C12orf42: variants seen among roughly 807,000 people sequenced by gnomAD.
C12orf42 encodes uncharacterized protein C12orf42.
In C12orf42, 25 loss-of-function variants were observed where a neutral mutation model predicts 21.6. The ratio of observed to expected loss-of-function variants is 1.16; its 90% CI spans 0.84 to 1.62. The LOEUF is 1.62. C12orf42 is among the 40% of genes most tolerant of loss of function. The probability of loss-of-function intolerance (pLI) is 0.00; values close to 1 mark genes in which losing one functional copy is unlikely to be tolerated. For missense variants in C12orf42, 483 were observed against 459.3 expected (o/e 1.05, Z -0.47); for synonymous variants, 174 against 175.0 (o/e 0.99, Z 0.05).
intron 2 of C12orf42, among the ~76,000 whole-genome samples, chr12:103,433,508 A>T (rs1312522958): frequency 1.3e-5 from 2 of 152,214 alleles, no homozygotes; most frequent in Non-Finnish European, 2.9e-5. Context: ...ACAATTTCCT[A>T]ACAATTGTAC....
chr12:103,235,714 T>C (rs1593184512), downstream of C12orf42, among the ~76,000 whole-genome samples: 3 of 152,284 alleles, frequency 2.0e-5, no homozygotes, highest in South Asian at 4.2e-4. Flanking sequence ...AGTTCATATA[T>C]GCAAAGTTTC....
chr12:103,236,083 TTA>T (rs1250065710), downstream of C12orf42, among the ~76,000 whole-genome samples: 3 of 151,864 alleles, frequency 2.0e-5, no homozygotes, highest in Admixed American at 6.6e-5. Flanking sequence ...TCCAAATGTT[TTA>T]TTTTTTTTCT....
chr12:103,455,125 G>A (rs528386547), intron 2 of C12orf42, among the ~76,000 whole-genome samples: 25 of 152,216 alleles, frequency 1.6e-4, no homozygotes, highest in African/African-American at 5.8e-4. Context: ...ACCTCTCAGA[G>A]GAAAGAACTC....
At chr12:103,134,083 TATC>T in the C12orf42 span, among the ~76,000 whole-genome samples, 1 of 152,164 alleles carries the variant, frequency 6.6e-6, no homozygotes, top group East Asian at 1.9e-4. Flanking sequence ...ACACTATAAA[TATC>T]ATAGATACCT....
At chr12:103,052,339 C>T in the C12orf42 span, among the ~76,000 whole-genome samples, 1 of 152,116 alleles carries the variant, frequency 6.6e-6, no homozygotes. Flanking sequence ...GACTCAAATT[C>T]TCACCAATTC....
At chr12:103,476,611 A>C (rs1447140624) in intron 2 of C12orf42, among the ~76,000 whole-genome samples, 1 of 152,218 alleles carries the variant, frequency 6.6e-6, no homozygotes, top group Admixed American at 6.5e-5. Flanking sequence ...GCAGTTTCCT[A>C]AAAGAAGTGT....
chr12:103,243,450 C>T (rs2033852150), intron 10 of C12orf42, among the ~76,000 whole-genome samples: 1 of 152,026 alleles, frequency 6.6e-6, no homozygotes, highest in African/African-American at 2.4e-5. Context: ...TTCACATTAT[C>T]TGTATCCTTA....
chr12:103,537,536 T>C, the C12orf42 span, among the ~76,000 whole-genome samples: 1 of 152,090 alleles, frequency 6.6e-6, no homozygotes, highest in Non-Finnish European at 1.5e-5. Flanking sequence ...AACACAACCA[T>C]AATCTTTTGG....
At chr12:103,181,713 TG>T in the C12orf42 span, among the ~76,000 whole-genome samples, 4 of 152,258 alleles carry the variant, frequency 2.6e-5, no homozygotes, top group Non-Finnish European at 5.9e-5. Context: ...TAGCAGGTAC[TG>T]CCTGACCTCT....
chr12:103,117,712 T>C, the C12orf42 span, among the ~76,000 whole-genome samples: 1 of 152,198 alleles, frequency 6.6e-6, no homozygotes, highest in Non-Finnish European at 1.5e-5. Flanking sequence ...GCACACTGGA[T>C]TTGCTTTCCA....
downstream of C12orf42, chr12:103,268,399 G>A (rs1593244820): frequency 6.6e-6 from 1 of 151,860 alleles, no homozygotes; most frequent in South Asian, 2.1e-4. Flanking sequence ...CACAAACAGG[G>A]GACTTAATCC....
chr12:103,494,833 G>T (rs1466964259), intron 1 of C12orf42, among the ~76,000 whole-genome samples: 1 of 152,182 alleles, frequency 6.6e-6, no homozygotes, highest in African/African-American at 2.4e-5. Flanking sequence ...AAGGGAGGGG[G>T]TGTCGAATGA....
intron 1 of C12orf42, among the ~76,000 whole-genome samples, chr12:103,481,679 A>T (rs1954483791): frequency 6.6e-6 from 1 of 151,656 alleles, no homozygotes; most frequent in Non-Finnish European, 1.5e-5. Context: ...CCGTCTGACA[A>T]CCTTAACTAA....
chr12:103,370,833 C>A (rs560718170), intron 3 of C12orf42, among the ~76,000 whole-genome samples: 138 of 152,158 alleles, frequency 9.1e-4, no homozygotes, highest in African/African-American at 3.1e-3. Flanking sequence ...CCCTGTGGTA[C>A]ACAGTTCACC....
chr12:103,131,351 T>TA, the C12orf42 span, among the ~76,000 whole-genome samples: 1 of 152,230 alleles, frequency 6.6e-6, no homozygotes, highest in Non-Finnish European at 1.5e-5. Flanking sequence ...TTTTGCTTGT[T>TA]AAAAATTATG....
At chr12:103,378,266 C>A (rs577050892) in intron 3 of C12orf42, among the ~76,000 whole-genome samples, 1 of 151,360 alleles carries the variant, frequency 6.6e-6, no homozygotes, top group African/African-American at 2.4e-5. Context: ...CATGTTTGAC[C>A]AGATACCCTC....
At chr12:103,453,251 TA>T (rs1952069886) in intron 2 of C12orf42, among the ~76,000 whole-genome samples, 1 of 151,264 alleles carries the variant, frequency 6.6e-6, no homozygotes, top group African/African-American at 2.4e-5. Context: ...TTATCTTATA[TA>T]AAGGTTTATA....
the C12orf42 span, among the ~76,000 whole-genome samples, chr12:103,215,082 T>G: frequency 6.6e-6 from 1 of 152,116 alleles, no homozygotes; most frequent in Non-Finnish European, 1.5e-5. Flanking sequence ...ATTTATTGCA[T>G]GGAAGAGAAA....
chr12:103,363,882 A>C lies in C12orf42; in HGVS notation c.259+5005T>G, dbSNP rs187409652. On this transcript the variant is annotated intron_variant, in intron 4 of 5. Transcript: ENST00000548883. ...AGATCTAAGAAATGAGATAGAAAGC[A>C]ACAAAATAATAGTGGAGGATTTCAA... is the stretch of plus-strand genomic sequence containing the variant. 3.2e-3 allele frequency among the ~76,000 whole-genome samples: 488 copies of C among 152,262 alleles called. 3 individuals are homozygous for C. Among genetic ancestry groups the C allele is most frequent in the Non-Finnish European group, 5.8e-3 (397 of 67,994 alleles).
Sources: allele counts gnomAD v4.1 joint callset (sites outside exome capture counted in the v4.1 genomes callset), GRCh38; gene constraint gnomAD v4.1.1; transcripts MANE v1.5; gene names NCBI Gene and HGNC (gene_info 2026-07-23, HGNC 2026-07-21).